The following GTF3C5 variants were observed in gnomAD, a reference collection of about 807,000 sequenced individuals.
The protein encoded by GTF3C5 is general transcription factor IIIC subunit 5.
In GTF3C5, 47 loss-of-function variants were observed where a neutral mutation model predicts 61.0. The observed-to-expected ratio is 0.77, with a 90% CI of 0.61 to 0.98. The LOEUF (loss-of-function observed/expected upper bound fraction) is 0.98. Among genes scored for constraint, GTF3C5 ranks in the 50% least tolerant of loss-of-function variants. The probability of loss-of-function intolerance (pLI) is 0.00; values close to 1 mark genes in which losing one functional copy is unlikely to be tolerated. For synonymous variants in GTF3C5, 295 were observed against 275.4 expected (o/e 1.07, Z -0.71); for missense variants, 659 against 703.3 (o/e 0.94, Z 0.71).
chr9:133,030,868 C>T (rs994791532), upstream of GTF3C5: 20 of 924,784 alleles, frequency 2.2e-5, no homozygotes, highest in African/African-American at 2.8e-4. Context: ...CCCTGGAGGC[C>T]CTCGCGTCTT....
At chr9:133,042,911 G>A (rs1419200378) in intron 2 of GTF3C5, among the ~76,000 whole-genome samples, 1 of 152,210 alleles carries the variant, frequency 6.6e-6, no homozygotes, top group African/African-American at 2.4e-5. Flanking sequence ...GTGCAGTGCG[G>A]GCTACAGAGC....
chr9:133,039,955 T>C (rs1849990116), intron 1 of GTF3C5, among the ~76,000 whole-genome samples: 1 of 152,232 alleles, frequency 6.6e-6, no homozygotes, highest in African/African-American at 2.4e-5. Flanking sequence ...CCTCATCCTT[T>C]ATGAATATGG....
chr9:133,051,973 G>A (rs760895697), intron 4 of GTF3C5, 87 bp from the exon 5 acceptor site: 8 of 664,278 alleles, frequency 1.2e-5, no homozygotes, highest in East Asian at 5.9e-5. Context: ...TGGAGGGGCC[G>A]CTGGGGCCCA....
Position 133,052,184 on chromosome 9 carries a change from C to T in GTF3C5, c.873+20C>T, listed in dbSNP as rs370109360. On this transcript the variant is annotated intron_variant, in intron 5 of 10. Transcript: ENST00000372097. ...TACATGGTAAGTGTCAGCTGCCCAC[C>T]CACCTGCCTTGGTTTCCACCCATGT... 5.1e-6 allele frequency: 7 copies of T among 1,366,564 alleles called. No homozygotes were observed. The highest frequency in any genetic ancestry group is 4.2e-6 in the Non-Finnish European group (4 of 962,438). 84.7% of individuals were successfully genotyped at this position (1,366,564 alleles called of 1,614,324 possible). A position where few individuals can be genotyped will look rare whatever the true frequency, so the allele number is the denominator to read the frequency against.
Position 133,054,568 on chromosome 9 carries a change from G to T in GTF3C5, c.1069+80G>T, listed in dbSNP as rs1287997731. On this transcript the variant is annotated intron_variant, in intron 7 of 10. Coordinates refer to ENST00000372097, the MANE Select transcript of GTF3C5 (RefSeq NM_012087.4). Reference sequence around the variant, plus strand: ...GGCACCTGGACCCAGACGGGGAGGTGGTTCCTGGGGGTCACTCCAGGGCTC... The same window carrying T: ...GGCACCTGGACCCAGACGGGGAGGTTGTTCCTGGGGGTCACTCCAGGGCTC... 6 of 1,453,136 alleles carry T rather than the reference G, an allele frequency of 4.1e-6. No homozygotes were observed. The South Asian group carries it at 5.9e-5, about 14-fold the overall frequency. The allele number at this position is 1,453,136 out of a possible 1,614,324, so 90.0% of individuals were successfully genotyped here.
chr9:133,032,280 C>T (rs966050130), intron 1 of GTF3C5, among the ~76,000 whole-genome samples: 1 of 152,114 alleles, frequency 6.6e-6, no homozygotes, highest in Non-Finnish European at 1.5e-5. Flanking sequence ...GTGTCCTGTC[C>T]CTGCTGGTTG....
chr9:133,054,443 C>T lies in GTF3C5; in HGVS notation c.1024C>T (p.Arg342Cys), dbSNP rs1163378395. The T allele has an allele frequency of 6.2e-6, 10 of 1,614,186 alleles. No individual in the cohort carries two copies. The highest frequency in any genetic ancestry group is 1.3e-5 in the African/African-American group (1 of 75,076). ...CAGTGACTTGCCGGTCAAAGCAAAG[C>T]GCAGCACCTACAACTACAGCCTCCC... ...APSDLPVKAK[R>C]STYNYSLPIT... Residue 342 changes from arginine (R) to cysteine (C), a missense_variant, in exon 7 of 11, where the codon CGC (arginine) becomes TGC (cysteine). Coordinates refer to ENST00000372097, the MANE Select transcript of GTF3C5 (RefSeq NM_012087.4).
intron 3 of GTF3C5, among the ~76,000 whole-genome samples, chr9:133,044,656 C>T (rs531751111): frequency 3.3e-5 from 5 of 152,188 alleles, no homozygotes; most frequent in South Asian, 2.1e-4. Context: ...CTGCCCTGTG[C>T]GGCTGGAGGT....
intron 3 of GTF3C5, among the ~76,000 whole-genome samples, chr9:133,046,352 CAG>C (rs1337035045): frequency 1.3e-5 from 2 of 152,056 alleles, no homozygotes; most frequent in African/African-American, 2.4e-5. Flanking sequence ...AAAAAACAAA[CAG>C]AAAAAAGAGC....
chr9:133,046,624 C>T (rs774286798), intron 3 of GTF3C5, among the ~76,000 whole-genome samples: 25 of 152,160 alleles, frequency 1.6e-4, no homozygotes, highest in African/African-American at 4.3e-4. Context: ...CTGGTGTCCA[C>T]GGACAGCACA....
intron 1 of GTF3C5, among the ~76,000 whole-genome samples, chr9:133,038,795 C>G (rs905454864): frequency 6.6e-6 from 1 of 151,968 alleles, no homozygotes; most frequent in Admixed American, 6.6e-5. Flanking sequence ...CAAATGTGAG[C>G]CACAGCCTGG....
At chr9:133,033,628 C>T (rs959030865) in intron 1 of GTF3C5, among the ~76,000 whole-genome samples, 2 of 152,098 alleles carry the variant, frequency 1.3e-5, no homozygotes, top group Admixed American at 1.3e-4. Context: ...GAGCTCGGCA[C>T]GATTTATCAC....
intron 2 of GTF3C5, 61 bp from the exon 3 acceptor site, chr9:133,043,667 G>A (rs1850104111): frequency 3.7e-6 from 5 of 1,339,156 alleles, no homozygotes; most frequent in Non-Finnish European, 1.1e-6. Context: ...GTGGGTGTCG[G>A]TGTGTGGCAG....
At chr9:133,044,863 G>A (rs1850154778) in intron 3 of GTF3C5, among the ~76,000 whole-genome samples, 1 of 151,858 alleles carries the variant, frequency 6.6e-6, no homozygotes, top group Non-Finnish European at 1.5e-5. Context: ...GCTATGAAAA[G>A]CCACATGGAC....
upstream of GTF3C5, chr9:133,030,889 G>C: frequency 2.6e-6 from 3 of 1,141,672 alleles, no homozygotes; most frequent in Non-Finnish European, 3.9e-6. Context: ...GCTGAGCCCG[G>C]GGAGTTAGGA....
intron 3 of GTF3C5, among the ~76,000 whole-genome samples, chr9:133,048,128 TA>T (rs112188653): frequency 1.9e-3 from 274 of 142,744 alleles, no homozygotes; most frequent in African/African-American, 6.2e-3. Flanking sequence ...GACCGTGTTT[TA>T]AAAAAAAAAA....
In GTF3C5 at chr9:133,055,206, C is replaced by G. The variant is rs1349930107; in HGVS notation, c.1167+397C>G. On this transcript the variant is annotated intron_variant, in intron 8 of 10. Transcript: ENST00000372097. ...GGCTGCAGCTGTGGCAGGAGCCTCA[C>G]TGGCTCACGTTTCCGTCAGTGCGGT... is the stretch of plus-strand genomic sequence containing the variant. 2.0e-6 allele frequency: 3 copies of G among 1,524,646 alleles called. No homozygotes were observed. In the South Asian group the frequency reaches 3.6e-5, roughly 18 times the overall value. The allele number at this position is 1,524,646 out of a possible 1,614,324, so 94.4% of individuals were successfully genotyped here. A position where few individuals can be genotyped will look rare whatever the true frequency, so the allele number is the denominator to read the frequency against.
intron 5 of GTF3C5, 121 bp downstream of exon 5, chr9:133,052,285 C>T: frequency 5.1e-6 from 3 of 582,636 alleles, no homozygotes; most frequent in Non-Finnish European, 9.3e-6. Flanking sequence ...CCCCATCCTT[C>T]CTGCCCCACC....
At chr9:133,035,184 ATAT>A (rs568817834) in intron 1 of GTF3C5, among the ~76,000 whole-genome samples, 105 of 152,284 alleles carry the variant, frequency 6.9e-4, no homozygotes, top group Non-Finnish European at 1.2e-3. Flanking sequence ...CCTGGGTATA[ATAT>A]TCTCAATCAA....
Sources: allele counts gnomAD v4.1 joint callset (sites outside exome capture counted in the v4.1 genomes callset), GRCh38; gene constraint gnomAD v4.1.1; transcripts MANE v1.5; gene names NCBI Gene and HGNC (gene_info 2026-07-23, HGNC 2026-07-21).